The following PARD3B variants were observed in gnomAD, a reference collection of about 807,000 sequenced individuals.
The protein encoded by PARD3B is par-3 family cell polarity regulator beta, also known as partitioning defective 3 homolog B.
A neutral mutation model predicts 130.2 loss-of-function variants in PARD3B; 103 were observed. The observed-to-expected ratio is 0.79, with a 90% CI of 0.67 to 0.93. The LOEUF is 0.93. Ranked by LOEUF, PARD3B falls within the 40% of genes least tolerant of loss-of-function variation. The pLI, the probability that PARD3B is intolerant of heterozygous loss-of-function variation, is 0.00. For synonymous variants in PARD3B, 583 were observed against 553.2 expected (o/e 1.05, Z -0.76); for missense variants, 1,609 against 1,499.2 (o/e 1.07, Z -1.21).
chr2:205,223,869 C>T (rs1343027164), intron 15 of PARD3B, among the ~76,000 whole-genome samples: 6 of 152,072 alleles, frequency 3.9e-5, no homozygotes, highest in African/African-American at 1.4e-4. Flanking sequence ...ATACTAATCA[C>T]ATCAGAGTAA....
Position 204,906,309 on chromosome 2 carries a change from C to G in PARD3B, c.223-58843C>G, listed in dbSNP as rs2047040497. On this transcript the variant is annotated intron_variant, in intron 2 of 22. Transcript: ENST00000406610. This position sits in a 1 kb window ranked among gnomAD's most constrained non-coding sequence, Gnocchi z 4.3. ...CCCATTTAGACTCAGACTTTTCTTG[C>G]TTTGAAATACCATAATAACTCTGTC... Among the ~76,000 whole-genome samples, 2 of 152,170 alleles carry G rather than the reference C, an allele frequency of 1.3e-5. No homozygotes were observed. The highest frequency in any genetic ancestry group is 1.3e-4 in the Admixed American group (2 of 15,282).
chr2:205,571,447 G>C (rs2053558399), intron 22 of PARD3B, among the ~76,000 whole-genome samples: 1 of 152,150 alleles, frequency 6.6e-6, no homozygotes, highest in Non-Finnish European at 1.5e-5. Context: ...AGAAGGCCGG[G>C]GGTCAAGCCG....
At chr2:205,308,622 AAAC>A (rs1348524748) in intron 18 of PARD3B, among the ~76,000 whole-genome samples, 2 of 146,882 alleles carry the variant, frequency 1.4e-5, no homozygotes, top group African/African-American at 5.1e-5. Context: ...AAAAAAAACC[AAAC>A]AACAAAACAA....
At chr2:204,991,884 C>A (rs76674833) in intron 3 of PARD3B, among the ~76,000 whole-genome samples, 138,318 of 148,842 alleles carry the variant, frequency 0.93, 64,977 homozygotes, top group East Asian at 1. Context: ...TCTTTTGAGA[C>A]GTGTCTGTTC....
intron 2 of PARD3B, among the ~76,000 whole-genome samples, chr2:204,929,825 A>G (rs1687896588): frequency 6.6e-6 from 1 of 151,918 alleles, no homozygotes; most frequent in Non-Finnish European, 1.5e-5. Flanking sequence ...TATTTAGACC[A>G]CTCCAGACAA....
intron 5 of PARD3B, among the ~76,000 whole-genome samples, chr2:205,107,850 G>A (rs755064635): frequency 7.9e-5 from 12 of 152,122 alleles, no homozygotes; most frequent in Non-Finnish European, 1.5e-4. Context: ...CAAGAGGTTT[G>A]GTGGTTTTTT....
At chr2:204,653,259 CT>C (rs1346878161) in intron 1 of PARD3B, among the ~76,000 whole-genome samples, 1 of 143,714 alleles carries the variant, frequency 7.0e-6, no homozygotes, top group African/African-American at 2.7e-5. Context: ...ACCTGTACCC[CT>C]GAACCTAAAA....
chr2:205,093,228 C>A (rs999156713), intron 4 of PARD3B, among the ~76,000 whole-genome samples: 1 of 151,972 alleles, frequency 6.6e-6, no homozygotes, highest in Non-Finnish European at 1.5e-5. Flanking sequence ...TAACTAAGAC[C>A]CTTTAAGGAA....
At chr2:205,574,870 A>AAAAAG (rs1553550292) in intron 22 of PARD3B, among the ~76,000 whole-genome samples, 3 of 150,622 alleles carry the variant, frequency 2.0e-5, no homozygotes, top group Admixed American at 2.0e-4. Context: ...AAAAAAAAAA[A>AAAAAG]AAAGAAAGAA....
chr2:205,210,167 A>G (rs1281200631), intron 15 of PARD3B, among the ~76,000 whole-genome samples: 1 of 152,026 alleles, frequency 6.6e-6, no homozygotes, highest in Non-Finnish European at 1.5e-5. Context: ...GGAGTTTGAG[A>G]CCAGCCTCAG....
intron 2 of PARD3B, among the ~76,000 whole-genome samples, chr2:204,962,464 G>A (rs1690827620): frequency 6.6e-6 from 1 of 152,080 alleles, no homozygotes; most frequent in African/African-American, 2.4e-5. Flanking sequence ...ATCTCTGTGG[G>A]AAAGATAACT....
chr2:205,223,588 T>A (rs1043125439), intron 15 of PARD3B, among the ~76,000 whole-genome samples: 1 of 151,574 alleles, frequency 6.6e-6, no homozygotes, highest in East Asian at 2.0e-4. Flanking sequence ...GTCTGCCCAC[T>A]CAGCTGCTTT....
intron 4 of PARD3B, among the ~76,000 whole-genome samples, chr2:205,083,615 G>A (rs6716774): frequency 1.4e-5 from 2 of 147,136 alleles, no homozygotes; most frequent in African/African-American, 5.0e-5. Flanking sequence ...TTTTTTTTTA[G>A]TTTTATTTTT....
chr2:205,579,795 A>G (rs2053899187), intron 22 of PARD3B, among the ~76,000 whole-genome samples: 1 of 152,250 alleles, frequency 6.6e-6, no homozygotes, highest in South Asian at 2.1e-4. Context: ...TTATAAAAAC[A>G]GCACAGATAA....
intron 18 of PARD3B, among the ~76,000 whole-genome samples, chr2:205,317,541 A>G (rs2042603669): frequency 6.6e-6 from 1 of 152,094 alleles, no homozygotes; most frequent in Non-Finnish European, 1.5e-5. Context: ...CCCACTTTGA[A>G]CACTGAAAAT....
At chr2:205,126,433 G>A (rs12477797) in intron 10 of PARD3B, among the ~76,000 whole-genome samples, 31,361 of 151,976 alleles carry the variant, frequency 0.21, 3,682 homozygotes, top group South Asian at 0.36. Flanking sequence ...TAACTAGATA[G>A]CTTGCCAGTG....
intron 21 of PARD3B, among the ~76,000 whole-genome samples, chr2:205,536,272 T>C (rs1266691216): frequency 6.6e-6 from 1 of 152,184 alleles, no homozygotes; most frequent in Admixed American, 6.5e-5. Flanking sequence ...TTTTAAGAAA[T>C]GATTCGATTA....
Position 205,215,090 on chromosome 2 carries a change from G to A in PARD3B, c.2140+21770G>A, listed in dbSNP as rs115452429. 3.9e-3 allele frequency among the ~76,000 whole-genome samples: 591 copies of A among 152,116 alleles called. 2 individuals carry two copies. Among genetic ancestry groups the A allele is most frequent in the African/African-American group, 0.013 (544 of 41,524 alleles). On this transcript the variant is annotated intron_variant, in intron 15 of 22. Transcript: ENST00000406610. ...TTGTTGTTTAATATGTTATTACCAT[G>A]CACTTTTCTAGGTGTGTTTTAGAAG...
chr2:205,020,426 C>G (rs1321700469), intron 3 of PARD3B, among the ~76,000 whole-genome samples: 1 of 152,048 alleles, frequency 6.6e-6, no homozygotes, highest in Non-Finnish European at 1.5e-5. Flanking sequence ...TAGAAGCATA[C>G]TAGGTGCTTA....
Sources: gnomAD v4.1 joint callset for allele counts (sites outside exome capture counted in the v4.1 genomes callset) on GRCh38, gnomAD v4.1.1 for gene constraint, Gnocchi (gnomAD v3.1) non-coding constraint, MANE v1.5 for transcripts, NCBI Gene and HGNC (gene_info 2026-07-23, HGNC 2026-07-21) for gene names.